The following PAM16 variants were observed in gnomAD, a reference collection of about 807,000 sequenced individuals.
PAM16 encodes presequence translocase associated motor 16.
Under a neutral mutation model 17.9 loss-of-function variants are expected in PAM16, and 11 were observed. That is an observed-to-expected ratio of 0.62 (90% CI 0.39 to 1.02). The LOEUF is 1.02. Among genes scored for constraint, PAM16 ranks in the 50% least tolerant of loss-of-function variants. The pLI, the probability that PAM16 is intolerant of heterozygous loss-of-function variation, is 0.01. For missense variants in PAM16, 199 were observed against 165.4 expected, an observed-to-expected ratio of 1.20 and a Z score of -1.11; for synonymous variants, 72 against 67.4, an observed-to-expected ratio of 1.07 and a Z score of -0.34.
chr16:4,343,474 G>C lies in PAM16; in HGVS notation c.4-183C>G, dbSNP rs527619018. On this transcript the variant is annotated intron_variant, in intron 1 of 4. Transcript: ENST00000318059. ...GAAAGCTTCCATGGTGGGTGGCTTA[G>C]TTACTCACTGGACAGGCAGGCAGGC... The C allele has an allele frequency of 8.9e-5, 127 of 1,432,008 alleles. No homozygotes were observed. In the African/African-American group the frequency reaches 1.6e-3, roughly 18 times the overall value. 88.7% of individuals were successfully genotyped at this position (1,432,008 alleles called of 1,614,324 possible).
chr16:4,349,336 G>A lies in PAM16; in HGVS notation c.3+1896C>T, dbSNP rs2053810808. The stretch of plus-strand genomic sequence containing the variant: ...TAATCCCAGCACTTTGGGAGTCCGA[G>A]GCAGGAGGACTGCTTGGGCCCAGAA... On this transcript the variant is annotated intron_variant, in intron 1 of 4. Transcript: ENST00000318059. Among the ~76,000 whole-genome samples the A allele has an allele frequency of 2.6e-5, 4 of 152,166 alleles. No individual in the cohort carries two copies. In the South Asian group the frequency reaches 8.3e-4, roughly 32 times the overall value.
chr16:4,343,930 C>G (rs1358608081), intron 1 of PAM16: 2 of 397,936 alleles, frequency 5.0e-6, no homozygotes, highest in Non-Finnish European at 8.8e-6. Flanking sequence ...CATTGGTTCA[C>G]CCATTCATTC....
chr16:4,350,365 G>A (rs1483700493), intron 1 of PAM16, among the ~76,000 whole-genome samples: 1 of 149,014 alleles, frequency 6.7e-6, no homozygotes, highest in Non-Finnish European at 1.5e-5. Flanking sequence ...ATAATAATAT[G>A]TAGTATACAT....
rs1407184554 is a variant in PAM16, at chr16:4,349,295, C to T, written c.3+1937G>A. 3.3e-5 allele frequency among the ~76,000 whole-genome samples: 5 copies of T among 151,422 alleles called. No individual in the cohort carries two copies. The South Asian group carries it at 6.4e-4, about 19-fold the overall frequency. ...TGTTAATATACTGTCATGCTGGGTG[C>T]GGTGGCTCACGCCTATAATCCCAGC... is the stretch of plus-strand genomic sequence containing the variant. On this transcript the variant is annotated intron_variant, in intron 1 of 4. Coordinates refer to ENST00000318059, the MANE Select transcript of PAM16 (RefSeq NM_016069.11).
chr16:4,351,210 T>C (rs1411368087), intron 1 of PAM16, 22 bp downstream of exon 1: 5 of 1,393,246 alleles, frequency 3.6e-6, no homozygotes, highest in East Asian at 2.9e-5. Flanking sequence ...CCCTCCCCGG[T>C]AGCGCCCGAC....
At chr16:4,342,185 A>G (rs533039494) in intron 2 of PAM16, among the ~76,000 whole-genome samples, 2 of 152,320 alleles carry the variant, frequency 1.3e-5, no homozygotes, top group Admixed American at 1.3e-4. Context: ...CCTGTAAAAT[A>G]CAAAATTACT....
At chr16:4,349,553 C>CTCCA (rs2053814297) in intron 1 of PAM16, among the ~76,000 whole-genome samples, 1 of 152,054 alleles carries the variant, frequency 6.6e-6, no homozygotes, top group Non-Finnish European at 1.5e-5. Context: ...TACCACTGTA[C>CTCCA]TCCAGCCTAG....
In PAM16 at chr16:4,341,466, G is replaced by A. The variant is rs1343891309; in HGVS notation, c.127C>T (p.His43Tyr). The change falls in exon 3 of 5, where the codon CAC (histidine) becomes TAC (tyrosine). Residue 43 changes from histidine to tyrosine, a missense_variant. Transcript: ENST00000318059. ...AGGTTGGAAGCGGCTGCAGACCGGT[G>A]TCCAGCGCGTCCTCGGGCATCAGCT... ...AAADARGRAG[H>Y]RSAAASNLSG... 2 of 1,610,176 alleles carry A rather than the reference G, an allele frequency of 1.2e-6. No individual in the cohort carries two copies. Among genetic ancestry groups the A allele is most frequent in the South Asian group, 2.2e-5 (2 of 90,412 alleles).
chr16:4,342,251 G>C (rs1458144120), intron 2 of PAM16, among the ~76,000 whole-genome samples: 1 of 150,978 alleles, frequency 6.6e-6, no homozygotes, highest in Admixed American at 6.6e-5. Flanking sequence ...CCAGCTACTG[G>C]AGAGGCTGAG....
chr16:4,348,260 A>G (rs1057050494), intron 1 of PAM16: 3 of 152,192 alleles, frequency 2.0e-5, no homozygotes, highest in African/African-American at 7.2e-5. Flanking sequence ...GCTTTGCCCA[A>G]TCTGCTGTCT....
chr16:4,347,888 G>A (rs113153269), intron 1 of PAM16: 1 of 152,362 alleles, frequency 6.6e-6, no homozygotes, highest in African/African-American at 2.4e-5. Flanking sequence ...GGCAGCATGT[G>A]CACTTCGTTG....
intron 1 of PAM16, among the ~76,000 whole-genome samples, chr16:4,349,424 T>C (rs1453061907): frequency 6.6e-6 from 1 of 152,114 alleles, no homozygotes; most frequent in African/African-American, 2.4e-5. Context: ...AAAAATTAGC[T>C]GGGCATAGTG....
At chr16:4,343,117 A>G in intron 2 of PAM16, 90 bp downstream of exon 2, 1 of 1,563,230 alleles carries the variant, frequency 6.4e-7, no homozygotes, top group Non-Finnish European at 8.8e-7. Context: ...CACACTTCAG[A>G]ACCGCCAGGC....
chr16:4,344,479 T>C (rs796249592), intron 1 of PAM16, among the ~76,000 whole-genome samples: 11 of 70,060 alleles, frequency 1.6e-4, no homozygotes, highest in South Asian at 1.5e-3. Flanking sequence ...GAGGGGGTTC[T>C]GTGAGAGGAG....
At chr16:4,342,753 GTT>G (rs1402940532) in intron 2 of PAM16, among the ~76,000 whole-genome samples, 1 of 151,948 alleles carries the variant, frequency 6.6e-6, no homozygotes, top group East Asian at 1.9e-4. Context: ...GAAGTCAGGC[GTT>G]CCAGACCAGC....
intron 1 of PAM16, chr16:4,343,920 C>T: frequency 2.5e-6 from 1 of 398,004 alleles, no homozygotes; most frequent in Non-Finnish European, 4.4e-6. Context: ...TTTGTGCAGC[C>T]ATTGGTTCAC....
chr16:4,344,700 A>G (rs566069262), intron 1 of PAM16, among the ~76,000 whole-genome samples: 4 of 368 alleles, frequency 0.011, 1 homozygote, highest in South Asian at 0.25. Flanking sequence ...TCCGTGAGAG[A>G]AGGGGGTTCC....
chr16:4,345,714 A>C (rs757294033), intron 1 of PAM16: 2 of 255,404 alleles, frequency 7.8e-6, no homozygotes, highest in Non-Finnish European at 1.2e-5. Context: ...GATCACAGCG[A>C]GGGGCAGGGC....
intron 1 of PAM16, chr16:4,345,976 C>T: frequency 2.0e-6 from 2 of 985,370 alleles, no homozygotes; most frequent in South Asian, 4.7e-5. Flanking sequence ...GCCTTGCAAT[C>T]ACTTGTTTAC....
Sources: allele counts gnomAD v4.1 joint callset (sites outside exome capture counted in the v4.1 genomes callset), GRCh38; gene constraint gnomAD v4.1.1; transcripts MANE v1.5; gene names NCBI Gene and HGNC (gene_info 2026-07-23, HGNC 2026-07-21).